Variants in ASAP1 observed in about 807,000 individuals in gnomAD.
ASAP1 encodes the protein ArfGAP with SH3 domain, ankyrin repeat and PH domain 1.
A neutral mutation model predicts 145.2 loss-of-function variants in ASAP1; 43 were observed. That is an observed-to-expected ratio of 0.30 (90% confidence interval 0.23 to 0.38). The LOEUF (loss-of-function observed/expected upper bound fraction) is 0.38. ASAP1 is among the 10% of genes least tolerant of loss of function. The probability of loss-of-function intolerance (pLI) is 1.00; values close to 1 mark genes in which losing one functional copy is unlikely to be tolerated. For synonymous variants in ASAP1, 546 were observed against 515.5 expected, an observed-to-expected ratio of 1.06 and a Z score of -0.80; for missense variants, 1,018 against 1,355.3, an observed-to-expected ratio of 0.75 and a Z score of 3.91.
At chr8:130,182,600 T>C (rs550519926) in intron 7 of ASAP1, among the ~76,000 whole-genome samples, 1 of 152,238 alleles carries the variant, frequency 6.6e-6, no homozygotes, top group East Asian at 1.9e-4. Context: ...AGATCTCTAA[T>C]GATGCATATA....
At chr8:130,421,691 G>A (rs1011793790) in intron 1 of ASAP1, among the ~76,000 whole-genome samples, 6 of 152,134 alleles carry the variant, frequency 3.9e-5, no homozygotes, top group African/African-American at 7.2e-5. Context: ...GACTCCCACC[G>A]AACTAGAAAT....
intron 2 of ASAP1, among the ~76,000 whole-genome samples, chr8:130,375,220 T>G (rs1827425840): frequency 6.6e-6 from 1 of 152,134 alleles, no homozygotes; most frequent in African/African-American, 2.4e-5. Context: ...CGCAGGGCTC[T>G]AAACCCTTGG....
intron 3 of ASAP1, among the ~76,000 whole-genome samples, chr8:130,357,412 G>C (rs939301139): frequency 6.6e-6 from 1 of 152,246 alleles, no homozygotes; most frequent in Non-Finnish European, 1.5e-5. Flanking sequence ...TAGGGAAGCC[G>C]GGTGGAAACC....
At chr8:130,200,658 C>T (rs1257539211) in intron 5 of ASAP1, among the ~76,000 whole-genome samples, 1 of 152,144 alleles carries the variant, frequency 6.6e-6, no homozygotes. Flanking sequence ...CACTCCATAA[C>T]AGATAAGATT....
intron 5 of ASAP1, among the ~76,000 whole-genome samples, chr8:130,209,094 T>A (rs1404355621): frequency 6.6e-6 from 1 of 152,216 alleles, no homozygotes; most frequent in East Asian, 1.9e-4. Flanking sequence ...ACCATAGTAA[T>A]ACTAATATTA....
intron 27 of ASAP1, 87 bp downstream of exon 27, chr8:130,076,261 A>G: frequency 2.2e-6 from 2 of 900,664 alleles, no homozygotes; most frequent in Non-Finnish European, 3.5e-6. Flanking sequence ...GGATGGATCA[A>G]TGAACAAGGG....
chr8:130,189,769 A>AC (rs1815009472), intron 5 of ASAP1, among the ~76,000 whole-genome samples: 1 of 152,180 alleles, frequency 6.6e-6, no homozygotes, highest in Non-Finnish European at 1.5e-5. Context: ...TTATATTACC[A>AC]CCAACAGCGT....
At chr8:130,320,567 A>AG (rs1823938921) in intron 3 of ASAP1, among the ~76,000 whole-genome samples, 1 of 152,092 alleles carries the variant, frequency 6.6e-6, no homozygotes, top group East Asian at 1.9e-4. Context: ...AAAAGAATAC[A>AG]TACATACATA....
At chr8:130,242,043 G>A (rs1818558834) in intron 3 of ASAP1, among the ~76,000 whole-genome samples, 1 of 151,826 alleles carries the variant, frequency 6.6e-6, no homozygotes, top group South Asian at 2.1e-4. Flanking sequence ...GATATGCCAA[G>A]GTAGCAGGGA....
At chr8:130,207,060 C>A (rs1816273189) in intron 5 of ASAP1, among the ~76,000 whole-genome samples, 1 of 152,006 alleles carries the variant, frequency 6.6e-6, no homozygotes, top group South Asian at 2.1e-4. Flanking sequence ...CACTTAGAAA[C>A]AGCTAAAACT....
At chr8:130,421,810 T>A (rs866732408) in intron 1 of ASAP1, among the ~76,000 whole-genome samples, 4 of 152,224 alleles carry the variant, frequency 2.6e-5, no homozygotes, top group African/African-American at 9.6e-5. Context: ...TATTACTAAC[T>A]AATACACCAT....
At chr8:130,249,575 G>GC (rs1255038489) in intron 3 of ASAP1, among the ~76,000 whole-genome samples, 2 of 151,924 alleles carry the variant, frequency 1.3e-5, no homozygotes, top group African/African-American at 4.8e-5. Context: ...AAGTTTCACT[G>GC]CCCCCCTTCC....
intron 1 of ASAP1, among the ~76,000 whole-genome samples, chr8:130,407,823 C>T (rs1829101850): frequency 6.6e-6 from 1 of 152,184 alleles, no homozygotes; most frequent in Non-Finnish European, 1.5e-5. Context: ...AGAAGTGACT[C>T]CACGAATGTT....
In ASAP1 at chr8:130,053,321, A is replaced by AG. The variant is rs2097396971; in HGVS notation, c.*1409dup. 6.6e-6 allele frequency: 1 copy of AG among 152,266 alleles called. No homozygotes were observed. Among genetic ancestry groups the AG allele is most frequent in the South Asian group, 2.1e-4 (1 of 4,834 alleles). 9.4% of individuals were successfully genotyped at this position (152,266 alleles called of 1,614,324 possible). A position where few individuals can be genotyped will look rare whatever the true frequency, so the allele number is the denominator to read the frequency against. The stretch of plus-strand genomic sequence containing the variant: ...AGAATGACACATGAGCCTCGGACTC[A>AG]GGGAACAGTTCCACTGACTGTGGAG... On this transcript the variant is annotated 3_prime_UTR_variant, in exon 30 of 30. Transcript: ENST00000518721.
rs567954882 is a variant in ASAP1, at chr8:130,387,255, G to A, written c.59+14630C>T. Among the ~76,000 whole-genome samples the A allele has an allele frequency of 4.0e-4, 61 of 152,286 alleles. 1 individual carries two copies. Among genetic ancestry groups the A allele is most frequent in the Admixed American group, 3.3e-3 (50 of 15,300 alleles). On this transcript the variant is annotated intron_variant, in intron 2 of 29. Coordinates refer to ENST00000518721, the MANE Select transcript of ASAP1 (RefSeq NM_018482.4). Reference sequence around the variant, plus strand: ...AAGGCCCATTAAAAAACCCAGGTCCGGCGAAAGTGGTGGCTCACACCTGTA... The same window carrying A: ...AAGGCCCATTAAAAAACCCAGGTCCAGCGAAAGTGGTGGCTCACACCTGTA...
intron 2 of ASAP1, among the ~76,000 whole-genome samples, chr8:130,360,268 G>C (rs1230837743): frequency 6.6e-6 from 1 of 152,228 alleles, no homozygotes; most frequent in Non-Finnish European, 1.5e-5. Context: ...GTGACATCTT[G>C]AGAAAAGAAT....
intron 3 of ASAP1, among the ~76,000 whole-genome samples, chr8:130,242,891 G>T (rs1458781410): frequency 6.6e-6 from 1 of 152,080 alleles, no homozygotes; most frequent in Admixed American, 6.5e-5. Context: ...ATACCTGTGG[G>T]TTCCACAGGC....
chr8:130,354,797 C>T lies in ASAP1; in HGVS notation c.186+3220G>A, dbSNP rs560305251. On this transcript the variant is annotated intron_variant, in intron 3 of 29. Coordinates refer to ENST00000518721, the MANE Select transcript of ASAP1 (RefSeq NM_018482.4). Reference sequence around the variant, plus strand: ...CCCCAAGGTAGCCACTCATTGTGTGCCAGCCAAACCGTGAACCCCTGAGCC... The same window carrying T: ...CCCCAAGGTAGCCACTCATTGTGTGTCAGCCAAACCGTGAACCCCTGAGCC... Among the ~76,000 whole-genome samples the T allele has an allele frequency of 1.0e-3, 156 of 152,302 alleles. 1 individual carries two copies. Among genetic ancestry groups the T allele is most frequent in the African/African-American group, 3.7e-3 (152 of 41,552 alleles).
At chr8:130,280,969 C>T (rs1238412884) in intron 3 of ASAP1, among the ~76,000 whole-genome samples, 1 of 152,094 alleles carries the variant, frequency 6.6e-6, no homozygotes, top group Non-Finnish European at 1.5e-5. Flanking sequence ...TACAGATTCA[C>T]TTTTTCCAAA....
Sources: allele counts gnomAD v4.1 joint callset (sites outside exome capture counted in the v4.1 genomes callset), GRCh38; gene constraint gnomAD v4.1.1; transcripts MANE v1.5; gene names NCBI Gene and HGNC (gene_info 2026-07-23, HGNC 2026-07-21).